UBE2F: variants seen among roughly 807,000 people sequenced by gnomAD.
UBE2F encodes the protein ubiquitin conjugating enzyme E2 F (putative), also known as NEDD8-conjugating enzyme UBE2F.
UBE2F carries 5 observed loss-of-function variants against 29.6 expected under a neutral mutation model. The ratio of observed to expected loss-of-function variants is 0.17; its 90% CI spans 0.09 to 0.36. UBE2F has a LOEUF of 0.36. Among genes scored for constraint, UBE2F ranks in the 10% least tolerant of loss-of-function variants. The pLI, the probability that UBE2F is intolerant of heterozygous loss-of-function variation, is 1.00. For synonymous variants in UBE2F, 66 were observed against 81.8 expected, an observed-to-expected ratio of 0.81 and a Z score of 1.04; for missense variants, 141 against 228.5, an observed-to-expected ratio of 0.62 and a Z score of 2.47.
Position 238,032,255 on chromosome 2 carries a change from G to C in UBE2F, c.444+1G>C. 1 of 1,610,820 alleles carries C rather than the reference G, an allele frequency of 6.2e-7. No homozygotes were observed. Among genetic ancestry groups the C allele is most frequent in the Non-Finnish European group, 8.5e-7 (1 of 1,177,584 alleles). On this transcript the variant is annotated splice_donor_variant, in intron 8 of 9. Transcript: ENST00000272930. LOFTEE classifies it high-confidence loss of function. Reference sequence around the variant, plus strand: ...TTGGGGATTAAACTCTTTGTTTACTGTAAGTACAGTGATCAAAATCCCAAG... The same window carrying C: ...TTGGGGATTAAACTCTTTGTTTACTCTAAGTACAGTGATCAAAATCCCAAG...
chr2:237,996,599 C>T (rs533289676), intron 4 of UBE2F, among the ~76,000 whole-genome samples: 61 of 152,082 alleles, frequency 4.0e-4, no homozygotes, highest in African/African-American at 6.5e-4. Flanking sequence ...CCTCAGCCTC[C>T]TGAGTAGCTG....
At chr2:237,970,353 C>A (rs2063150328) in intron 1 of UBE2F, among the ~76,000 whole-genome samples, 1 of 152,166 alleles carries the variant, frequency 6.6e-6, no homozygotes, top group Admixed American at 6.5e-5. Flanking sequence ...CCAGCCTGGG[C>A]TACAGAGCAA....
chr2:238,003,344 T>C, intron 4 of UBE2F: 2 of 470,930 alleles, frequency 4.2e-6, no homozygotes, highest in Non-Finnish European at 8.8e-6. Flanking sequence ...AAACATTGAC[T>C]GCTCTCTCCT....
intron 4 of UBE2F, among the ~76,000 whole-genome samples, chr2:237,999,084 ATTTATTTTTTTT>A (rs1423177929): frequency 6.6e-5 from 10 of 150,508 alleles, no homozygotes; most frequent in Non-Finnish European, 1.0e-4. Context: ...TTATTTATTT[ATTTATTTTTTTT>A]TTTTGAGACA....
At chr2:237,991,732 A>G (rs2063595484) in intron 3 of UBE2F, among the ~76,000 whole-genome samples, 1 of 151,428 alleles carries the variant, frequency 6.6e-6, no homozygotes, top group Non-Finnish European at 1.5e-5. Flanking sequence ...CCTCCTGAGT[A>G]GCTGGGATTA....
chr2:237,995,710 G>T (rs1287828583), intron 4 of UBE2F, among the ~76,000 whole-genome samples: 1 of 152,110 alleles, frequency 6.6e-6, no homozygotes, highest in East Asian at 1.9e-4. Flanking sequence ...GGCTTTTTCT[G>T]TGGAAGATGT....
intron 3 of UBE2F, among the ~76,000 whole-genome samples, chr2:237,993,218 C>A (rs2063624869): frequency 1.3e-5 from 2 of 152,070 alleles, no homozygotes; most frequent in Admixed American, 6.6e-5. Flanking sequence ...AAACTACTGA[C>A]CTCGTGAACC....
rs1576650460 is a variant in UBE2F, at chr2:238,042,409, G to C, written c.*1071G>C. On this transcript the variant is annotated 3_prime_UTR_variant, in exon 10 of 10. Transcript: ENST00000272930. Reference sequence around the variant, plus strand: ...TTCTTCTGAGTTTGCTATGGCTCCAGGCCCTGCCGGTGGGGTGAGCCTCCT... The same window carrying C: ...TTCTTCTGAGTTTGCTATGGCTCCACGCCCTGCCGGTGGGGTGAGCCTCCT... 1 of 152,414 alleles carries C rather than the reference G, an allele frequency of 6.6e-6. No homozygotes were observed. Among genetic ancestry groups the C allele is most frequent in the East Asian group, 1.9e-4 (1 of 5,198 alleles). The allele number at this position is 152,414 out of a possible 1,614,324, so 9.4% of individuals were successfully genotyped here. A position where few individuals can be genotyped will look rare whatever the true frequency, so the allele number is the denominator to read the frequency against.
In UBE2F at chr2:237,990,768, A is replaced by T. The variant is rs184878287; in HGVS notation, c.148+2776A>T. 1.3e-3 allele frequency among the ~76,000 whole-genome samples: 199 copies of T among 151,120 alleles called. 2 individuals carry two copies. The highest frequency in any genetic ancestry group is 7.6e-3 in the South Asian group (36 of 4,760). On this transcript the variant is annotated intron_variant, in intron 3 of 9. Transcript: ENST00000272930. ...AGAGTGAGACTCTGTCTCAAAAAAA[A>T]AATAATAATAAAATTATTATTATTT...
In UBE2F at chr2:238,042,741, C is replaced by G. The variant is rs2064855994; in HGVS notation, c.*1403C>G. On this transcript the variant is annotated 3_prime_UTR_variant, in exon 10 of 10. Coordinates refer to ENST00000272930, the MANE Select transcript of UBE2F (RefSeq NM_080678.3). ...AGATCAGTCTGTCACGGAGACCCAG[C>G]AGGTGAGGAATGTAGGCCTTGCTTC... 1.3e-5 allele frequency: 2 copies of G among 152,346 alleles called. No homozygotes were observed. Among genetic ancestry groups the G allele is most frequent in the South Asian group, 4.1e-4 (2 of 4,832 alleles). The allele number at this position is 152,346 out of a possible 1,614,324, so 9.4% of individuals were successfully genotyped here. A position where few individuals can be genotyped will look rare whatever the true frequency, so the allele number is the denominator to read the frequency against.
At chr2:238,021,588 T>A (rs1293357364) in intron 5 of UBE2F, among the ~76,000 whole-genome samples, 1 of 152,216 alleles carries the variant, frequency 6.6e-6, no homozygotes, top group Non-Finnish European at 1.5e-5. Flanking sequence ...GCATCATTAT[T>A]AATAAGAGCA....
At chr2:238,015,063 GATGA>G (rs2064123309) in intron 4 of UBE2F, among the ~76,000 whole-genome samples, 1 of 152,160 alleles carries the variant, frequency 6.6e-6, no homozygotes, top group African/African-American at 2.4e-5. Context: ...GCAATCAGTT[GATGA>G]ATGAATGAGC....
intron 6 of UBE2F, among the ~76,000 whole-genome samples, chr2:238,027,908 G>A (rs1452479406): frequency 6.6e-6 from 1 of 152,228 alleles, no homozygotes; most frequent in East Asian, 1.9e-4. Flanking sequence ...CCACCTTGTT[G>A]TCCCGGCAGG....
chr2:238,019,305 T>C (rs1160502726), intron 5 of UBE2F, among the ~76,000 whole-genome samples: 1 of 152,190 alleles, frequency 6.6e-6, no homozygotes, highest in Non-Finnish European at 1.5e-5. Context: ...AGCTGGTGGC[T>C]CTGCATGAAC....
chr2:237,978,988 C>T (rs2063333992), intron 2 of UBE2F, among the ~76,000 whole-genome samples: 1 of 152,192 alleles, frequency 6.6e-6, no homozygotes, highest in Non-Finnish European at 1.5e-5. Context: ...GTCTGTCTCC[C>T]TGTTCTTTCA....
At chr2:237,988,771 G>A (rs1332820059) in intron 3 of UBE2F, among the ~76,000 whole-genome samples, 2 of 152,124 alleles carry the variant, frequency 1.3e-5, no homozygotes, top group Non-Finnish European at 2.9e-5. Context: ...ATCAATAACA[G>A]TTCCACTTTT....
chr2:238,013,955 C>T (rs2064096692), intron 4 of UBE2F, among the ~76,000 whole-genome samples: 1 of 152,210 alleles, frequency 6.6e-6, no homozygotes, highest in Non-Finnish European at 1.5e-5. Flanking sequence ...CTGTCCTGGA[C>T]TTGTGTACTG....
chr2:238,026,605 TG>T (rs1434501960), intron 6 of UBE2F, among the ~76,000 whole-genome samples: 1 of 152,158 alleles, frequency 6.6e-6, no homozygotes, highest in Non-Finnish European at 1.5e-5. Flanking sequence ...GGCTAATTTT[TG>T]TATTTTTTAG....
chr2:238,031,867 A>G (rs1362257584), intron 7 of UBE2F, among the ~76,000 whole-genome samples: 1 of 152,268 alleles, frequency 6.6e-6, no homozygotes, highest in Non-Finnish European at 1.5e-5. Context: ...ACTTTTTAGA[A>G]GTCAGAACCA....
Sources: allele counts gnomAD v4.1 joint callset (sites outside exome capture counted in the v4.1 genomes callset), GRCh38; gene constraint gnomAD v4.1.1; transcripts MANE v1.5; gene names NCBI Gene and HGNC (gene_info 2026-07-23, HGNC 2026-07-21).